DTNA: variants seen among roughly 807,000 people sequenced by gnomAD.
DTNA encodes the protein dystrobrevin alpha.
In DTNA, 43 loss-of-function variants were observed where a neutral mutation model predicts 100.7. The ratio of observed to expected loss-of-function variants is 0.43; its 90% CI spans 0.33 to 0.55. DTNA has a LOEUF of 0.55. Among genes scored for constraint, DTNA ranks in the 20% least tolerant of loss-of-function variants. DTNA has a pLI of 0.04. For missense variants in DTNA, 798 were observed against 953.9 expected (o/e 0.84, Z 2.15); for synonymous variants, 349 against 347.9 (o/e 1.00, Z -0.04).
At chr18:34,524,147 A>G (rs2042392151) in intron 1 of DTNA, among the ~76,000 whole-genome samples, 1 of 152,220 alleles carries the variant, frequency 6.6e-6, no homozygotes, top group East Asian at 1.9e-4. Flanking sequence ...TTCAAAAACT[A>G]TGAGTTGGAC....
chr18:34,790,676 A>G (rs2094699416), intron 3 of DTNA, among the ~76,000 whole-genome samples: 2 of 144,310 alleles, frequency 1.4e-5, no homozygotes, highest in South Asian at 2.2e-4. Context: ...GCTTCACGCC[A>G]TTCTCCAAGC....
chr18:34,683,686 G>A (rs2078449048), intron 1 of DTNA: 1 of 152,112 alleles, frequency 6.6e-6, no homozygotes, highest in Non-Finnish European at 1.5e-5. Context: ...CTAAAGCTGG[G>A]AGACACAGGT....
intron 1 of DTNA, among the ~76,000 whole-genome samples, chr18:34,608,901 A>G (rs551776560): frequency 6.6e-6 from 1 of 152,282 alleles, no homozygotes; most frequent in South Asian, 2.1e-4. Flanking sequence ...TGTATATTGG[A>G]TCTCAGACCT....
At chr18:34,500,791 G>A (rs772174770) in intron 1 of DTNA, among the ~76,000 whole-genome samples, 6 of 152,066 alleles carry the variant, frequency 3.9e-5, no homozygotes, top group Non-Finnish European at 7.4e-5. Flanking sequence ...ACGAATCATA[G>A]TTGAGTATGT....
intron 1 of DTNA, among the ~76,000 whole-genome samples, chr18:34,635,191 C>G (rs1252683192): frequency 6.6e-6 from 1 of 152,140 alleles, no homozygotes; most frequent in African/African-American, 2.4e-5. Context: ...TTGCAAATGA[C>G]AAGATTTCCT....
chr18:34,511,770 A>C (rs546916888), intron 1 of DTNA, among the ~76,000 whole-genome samples: 1 of 152,102 alleles, frequency 6.6e-6, no homozygotes, highest in Non-Finnish European at 1.5e-5. Context: ...TGGAAAAATG[A>C]ATCACAGTTT....
At chr18:34,689,148 A>G (rs759858550) in intron 1 of DTNA, among the ~76,000 whole-genome samples, 8 of 152,074 alleles carry the variant, frequency 5.3e-5, no homozygotes, top group East Asian at 1.9e-4. Context: ...ACTTCTGCCA[A>G]TTCGTCAAAC....
intron 16 of DTNA, 61 bp downstream of exon 16, chr18:34,858,459 C>G: frequency 6.5e-7 from 1 of 1,539,384 alleles, no homozygotes. Flanking sequence ...TTGAGAAAGT[C>G]TAGCAGTGTC....
intron 1 of DTNA, among the ~76,000 whole-genome samples, chr18:34,497,300 T>C (rs934711600): frequency 6.6e-5 from 10 of 152,116 alleles, no homozygotes; most frequent in Admixed American, 3.9e-4. Flanking sequence ...GGAGATGATA[T>C]TGAGTGCTGA....
chr18:34,531,604 CAAAGTGGGAACACAA>C (rs1162713337), intron 1 of DTNA, among the ~76,000 whole-genome samples: 21 of 152,202 alleles, frequency 1.4e-4, no homozygotes, highest in Admixed American at 1.4e-3. Flanking sequence ...TTTAACTCTG[CAAAGTGGGAACACAA>C]AATATTTAAT....
At chr18:34,842,265 C>A (rs1423741080) in intron 13 of DTNA, among the ~76,000 whole-genome samples, 1 of 152,122 alleles carries the variant, frequency 6.6e-6, no homozygotes, top group Non-Finnish European at 1.5e-5. Flanking sequence ...ATATTTTTCT[C>A]AAGTACAAGA....
Position 34,858,134 on chromosome 18 carries a change from C to T in DTNA, c.1533-151C>T. 5.5e-6 allele frequency: 4 copies of T among 727,710 alleles called. No individual in the cohort carries two copies. In the South Asian group the frequency reaches 6.1e-5, roughly 11 times the overall value. The allele number at this position is 727,710 out of a possible 1,614,324, so 45.1% of individuals were successfully genotyped here. A position where few individuals can be genotyped will look rare whatever the true frequency, so the allele number is the denominator to read the frequency against. On this transcript the variant is annotated intron_variant, in intron 15 of 22. Transcript: ENST00000444659. ...AGCTATAGTCAAAGCCTCTTAAATA[C>T]ACTGGAATCTGTTGGTTAGGGAAGG...
At chr18:34,876,044 A>AT (rs1206824316) in intron 18 of DTNA, among the ~76,000 whole-genome samples, 3 of 152,194 alleles carry the variant, frequency 2.0e-5, no homozygotes, top group Non-Finnish European at 4.4e-5. Context: ...GAGAATAATA[A>AT]TAAAAAAATC....
intron 1 of DTNA, among the ~76,000 whole-genome samples, chr18:34,506,993 G>A (rs2040557381): frequency 1.3e-5 from 2 of 152,174 alleles, no homozygotes; most frequent in South Asian, 4.1e-4. Flanking sequence ...GAGGGTTACT[G>A]CTTATCTGTT....
At chr18:34,579,293 ATAGG>A (rs898831528) in intron 1 of DTNA, among the ~76,000 whole-genome samples, 1 of 152,180 alleles carries the variant, frequency 6.6e-6, no homozygotes, top group African/African-American at 2.4e-5. Flanking sequence ...ATATGAATAG[ATAGG>A]TAGGTAGATG....
intron 1 of DTNA, among the ~76,000 whole-genome samples, chr18:34,626,760 C>T (rs990334360): frequency 5.9e-5 from 9 of 152,216 alleles, no homozygotes; most frequent in African/African-American, 2.2e-4. Flanking sequence ...AGTTGGCATT[C>T]TTCTTAAGAA....
chr18:34,498,968 A>G (rs2039591807), intron 1 of DTNA, among the ~76,000 whole-genome samples: 1 of 152,208 alleles, frequency 6.6e-6, no homozygotes, highest in Non-Finnish European at 1.5e-5. Context: ...AGTAATACAG[A>G]GATCCCATGG....
intron 1 of DTNA, among the ~76,000 whole-genome samples, chr18:34,628,718 A>G (rs1311493387): frequency 6.6e-6 from 1 of 152,174 alleles, no homozygotes; most frequent in East Asian, 1.9e-4. Context: ...GTATGTGTGA[A>G]GTATTATTGG....
intron 9 of DTNA, chr18:34,821,462 T>C (rs1317578914): frequency 4.4e-6 from 2 of 456,314 alleles, no homozygotes; most frequent in East Asian, 1.4e-4. Context: ...CATAGATTCT[T>C]TTCTTCAAAG....
Sources: allele counts gnomAD v4.1 joint callset (sites outside exome capture counted in the v4.1 genomes callset), GRCh38; gene constraint gnomAD v4.1.1; transcripts MANE v1.5; gene names NCBI Gene and HGNC (gene_info 2026-07-23, HGNC 2026-07-21).